Variants in ABCB11 observed in about 807,000 individuals in gnomAD.
The protein encoded by ABCB11 is bile salt export pump.
ABCB11 carries 95 observed loss-of-function variants against 148.0 expected under a neutral mutation model. The observed-to-expected ratio is 0.64, with a 90% CI of 0.54 to 0.76. The LOEUF (loss-of-function observed/expected upper bound fraction) is 0.76. ABCB11 is among the 30% of genes least tolerant of loss of function. The pLI is 0.00. For synonymous variants in ABCB11, 591 were observed against 555.4 expected, an observed-to-expected ratio of 1.06 and a Z score of -0.90; for missense variants, 1,523 against 1,617.8, an observed-to-expected ratio of 0.94 and a Z score of 1.01.
intron 27 of ABCB11, among the ~76,000 whole-genome samples, chr2:168,924,120 G>A (rs993778654): frequency 1.3e-5 from 2 of 152,182 alleles, no homozygotes; most frequent in African/African-American, 2.4e-5. Context: ...AGAAAACAAC[G>A]GAGGGTAGCA....
chr2:168,966,439 A>G (rs971926564), intron 17 of ABCB11, among the ~76,000 whole-genome samples: 6 of 151,858 alleles, frequency 4.0e-5, no homozygotes, highest in African/African-American at 1.4e-4. Context: ...TCATGAGGCC[A>G]TGGGCAGTGC....
At chr2:169,013,076 T>A (rs983087426) in intron 5 of ABCB11, among the ~76,000 whole-genome samples, 196 bp downstream of exon 5, 1 of 152,168 alleles carries the variant, frequency 6.6e-6, no homozygotes, top group African/African-American at 2.4e-5. Context: ...CTGTTTCTAT[T>A]AAGATTTTAA....
chr2:168,934,399 G>A (rs371829787), intron 23 of ABCB11, among the ~76,000 whole-genome samples: 7 of 152,156 alleles, frequency 4.6e-5, no homozygotes, highest in African/African-American at 9.6e-5. Context: ...CTTACCCCCC[G>A]ACTCGCCCAT....
At chr2:169,013,026 GT>G (rs1441550890) in intron 5 of ABCB11, among the ~76,000 whole-genome samples, 1 of 152,106 alleles carries the variant, frequency 6.6e-6, no homozygotes, top group East Asian at 1.9e-4. Context: ...CAATAAAGTG[GT>G]AACATTTTGG....
At chr2:168,983,961 A>C (rs1438827867) in intron 10 of ABCB11, among the ~76,000 whole-genome samples, 1 of 152,138 alleles carries the variant, frequency 6.6e-6, no homozygotes, top group Non-Finnish European at 1.5e-5. Context: ...ACGGGTGGGC[A>C]CAAGTGTAAA....
chr2:169,013,206 T>C (rs1304209866), intron 5 of ABCB11, 66 bp downstream of exon 5: 49 of 1,255,640 alleles, frequency 3.9e-5, no homozygotes, highest in Non-Finnish European at 5.0e-5. Context: ...ATCCCCTCTA[T>C]ACATTTTGAA....
chr2:169,010,659 C>T (rs1695154317), intron 5 of ABCB11, among the ~76,000 whole-genome samples: 1 of 152,180 alleles, frequency 6.6e-6, no homozygotes, highest in Admixed American at 6.6e-5. Flanking sequence ...GGTATATAAA[C>T]TACTTACAGG....
At chr2:168,926,876 CTACTT>C (rs1691335854) in intron 26 of ABCB11, among the ~76,000 whole-genome samples, 1 of 152,124 alleles carries the variant, frequency 6.6e-6, no homozygotes, top group South Asian at 2.1e-4. Context: ...TGTTTCTTAT[CTACTT>C]TATACACATA....
In ABCB11 at chr2:168,976,446, A is replaced by G. The variant is rs1693909112; in HGVS notation, c.1308+131T>C. On this transcript the variant is annotated intron_variant, in intron 12 of 27. Coordinates refer to ENST00000650372, the MANE Select transcript of ABCB11 (RefSeq NM_003742.4). ...TAAGCCAACACCCGAGGATACTTTCAGAGAAAGACACCTCCATTCCCTATT... is the reference window on the plus strand; with the variant it reads ...TAAGCCAACACCCGAGGATACTTTCGGAGAAAGACACCTCCATTCCCTATT... 1.5e-5 allele frequency: 8 copies of G among 537,602 alleles called. No homozygotes were observed. In the South Asian group the frequency reaches 1.8e-4, roughly 12 times the overall value. The allele number at this position is 537,602 out of a possible 1,614,324, so 33.3% of individuals were successfully genotyped here. A position where few individuals can be genotyped will look rare whatever the true frequency, so the allele number is the denominator to read the frequency against.
At chr2:169,000,237 T>C (rs1323705723) in intron 5 of ABCB11, among the ~76,000 whole-genome samples, 2 of 152,112 alleles carry the variant, frequency 1.3e-5, no homozygotes, top group Admixed American at 6.6e-5. Flanking sequence ...GTTGCAAATA[T>C]GTTCTCCCAG....
chr2:168,936,249 G>A lies in ABCB11; in HGVS notation c.2795C>T (p.Ala932Val). The change falls in exon 22 of 28, where the codon GCC becomes GTC. Residue 932 changes from alanine to valine, a missense_variant. By Grantham distance (64) the Ala-to-Val change is moderately conservative. Coordinates refer to ENST00000650372, the MANE Select transcript of ABCB11 (RefSeq NM_003742.4). ...GATTACCTGTCCCACCATCTCCAGG[G>A]CCTGCTTATCTCGAGAGGCAAATCC... Reference protein sequence around the residue: ...LTGFASRDKQALEMVGQITNE... With the variant: ...LTGFASRDKQVLEMVGQITNE... 1 of 1,613,736 alleles carries A rather than the reference G, an allele frequency of 6.2e-7. No homozygotes were observed. Among genetic ancestry groups the A allele is most frequent in the Non-Finnish European group, 8.5e-7 (1 of 1,179,754 alleles).
chr2:168,935,123 G>A (rs1220916482), intron 23 of ABCB11, 61 bp downstream of exon 23: 2 of 1,596,338 alleles, frequency 1.3e-6, no homozygotes, highest in Middle Eastern at 1.7e-4. Flanking sequence ...CTAACTGACA[G>A]AACCAGGCTA....
At chr2:168,960,705 A>G (rs918921084) in intron 18 of ABCB11, among the ~76,000 whole-genome samples, 12 of 151,714 alleles carry the variant, frequency 7.9e-5, no homozygotes, top group Admixed American at 6.6e-5. Context: ...TGCAAAAACT[A>G]GAAAATCTGT....
At chr2:169,008,415 T>C (rs1041686906) in intron 5 of ABCB11, among the ~76,000 whole-genome samples, 2 of 152,174 alleles carry the variant, frequency 1.3e-5, no homozygotes, top group African/African-American at 4.8e-5. Flanking sequence ...CAAATCCCCC[T>C]CTGCCTTCTT....
chr2:168,940,987 C>G (rs538956280), intron 21 of ABCB11, among the ~76,000 whole-genome samples: 5 of 152,162 alleles, frequency 3.3e-5, no homozygotes, highest in African/African-American at 1.2e-4. Context: ...AAAAATACAG[C>G]TTTCAAAAAT....
chr2:168,924,941 G>T, intron 26 of ABCB11, 138 bp from the exon 27 acceptor site: 1 of 581,768 alleles, frequency 1.7e-6, no homozygotes, highest in Non-Finnish European at 2.7e-6. Flanking sequence ...TCCTCCTATA[G>T]GATGGAGGAT....
intron 21 of ABCB11, among the ~76,000 whole-genome samples, chr2:168,938,937 T>C (rs1691948894): frequency 6.6e-6 from 1 of 152,104 alleles, no homozygotes; most frequent in South Asian, 2.1e-4. Context: ...AAAGGGCTCA[T>C]ACTCTACATA....
chr2:169,003,920 C>T (rs1558921518), intron 5 of ABCB11, among the ~76,000 whole-genome samples: 1 of 152,128 alleles, frequency 6.6e-6, no homozygotes, highest in Non-Finnish European at 1.5e-5. Context: ...AGTTAAGTGC[C>T]ATTGGATACA....
At chr2:169,008,720 G>GA (rs1695091728) in intron 5 of ABCB11, among the ~76,000 whole-genome samples, 1 of 152,108 alleles carries the variant, frequency 6.6e-6, no homozygotes, top group Non-Finnish European at 1.5e-5. Context: ...AGCCACTGTG[G>GA]AAAATAGTCT....
Sources: gnomAD v4.1 joint callset for allele counts (sites outside exome capture counted in the v4.1 genomes callset) on GRCh38, gnomAD v4.1.1 for gene constraint, MANE v1.5 for transcripts, NCBI Gene and HGNC (gene_info 2026-07-23, HGNC 2026-07-21) for gene names.